EZH2: variants seen among roughly 807,000 people sequenced by gnomAD.
EZH2 encodes the protein histone-lysine N-methyltransferase EZH2.
Under a neutral mutation model 98.4 loss-of-function variants are expected in EZH2, and 18 were observed. That is an observed-to-expected ratio of 0.18 (90% CI 0.13 to 0.27). The LOEUF is 0.27. Ranked by LOEUF, EZH2 falls within the 10% of genes least tolerant of loss-of-function variation. EZH2 has a pLI of 1.00. For synonymous variants in EZH2, 338 were observed against 312.3 expected (o/e 1.08, Z -0.87); for missense variants, 470 against 935.1 (o/e 0.50, Z 6.49).
intron 3 of EZH2, among the ~76,000 whole-genome samples, chr7:148,842,844 T>C (rs530945095): frequency 3.9e-5 from 6 of 152,128 alleles, no homozygotes; most frequent in Middle Eastern, 3.4e-3. Context: ...GGCAGATGGA[T>C]TGCTTGAGCC....
chr7:148,828,172 T>C (rs1808271513), intron 6 of EZH2, among the ~76,000 whole-genome samples: 1 of 152,176 alleles, frequency 6.6e-6, no homozygotes, highest in South Asian at 2.1e-4. Context: ...ATTATGAGGA[T>C]TAAGTGAGCT....
intron 1 of EZH2, among the ~76,000 whole-genome samples, chr7:148,866,583 T>TATATATACGTATATACAG (rs1381406327): frequency 6.8e-6 from 1 of 146,734 alleles, no homozygotes; most frequent in Non-Finnish European, 1.5e-5. Context: ...CGTATATACA[T>TATATATACGTATATACAG]ATATTGTATA....
In EZH2 at chr7:148,822,185, G is replaced by A. The variant is rs1350453053; in HGVS notation, c.908-2498C>T. On this transcript the variant is annotated intron_variant, in intron 8 of 19. Transcript: ENST00000320356. ...CGCTTTATAATCTTGGAATGGGAAAGCTAACTGATAAATTCAACTACTTTT... is the reference window on the plus strand; with the variant it reads ...CGCTTTATAATCTTGGAATGGGAAAACTAACTGATAAATTCAACTACTTTT... Among the ~76,000 whole-genome samples the A allele has an allele frequency of 2.0e-5, 3 of 152,296 alleles. No homozygotes were observed. The East Asian group carries it at 5.8e-4, about 29-fold the overall frequency.
At chr7:148,822,027 ATG>A (rs1206142960) in intron 8 of EZH2, among the ~76,000 whole-genome samples, 2 of 152,242 alleles carry the variant, frequency 1.3e-5, no homozygotes, top group African/African-American at 2.4e-5. Context: ...TTTTCAGTAA[ATG>A]AAACAACTAG....
At chr7:148,856,773 C>A (rs950580157) in intron 1 of EZH2, among the ~76,000 whole-genome samples, 1 of 152,096 alleles carries the variant, frequency 6.6e-6, no homozygotes, top group East Asian at 1.9e-4. Context: ...AGTATTATAA[C>A]AGAATAAAAT....
At chr7:148,812,293 T>C (rs963433263) in intron 15 of EZH2, among the ~76,000 whole-genome samples, 3 of 152,228 alleles carry the variant, frequency 2.0e-5, no homozygotes, top group East Asian at 1.9e-4. Flanking sequence ...GGAGGTGTTA[T>C]CATGATCTTG....
chr7:148,813,680 G>GA (rs34352742), intron 15 of EZH2, among the ~76,000 whole-genome samples: 14 of 151,598 alleles, frequency 9.2e-5, no homozygotes, highest in Admixed American at 7.9e-4. Flanking sequence ...TAAACAGGTA[G>GA]AAAAAATACC....
At chr7:148,855,772 C>A (rs1816714600) in intron 1 of EZH2, among the ~76,000 whole-genome samples, 9 of 151,812 alleles carry the variant, frequency 5.9e-5, no homozygotes, top group Admixed American at 5.9e-4. Context: ...GTGATGCACG[C>A]CTGTAATCCC....
In EZH2 at chr7:148,807,642, G is replaced by A. The variant is rs749969922; in HGVS notation, c.*4C>T. Reference sequence around the variant, plus strand: ...TCAGAGGAGGGGGGAGGAGGTAGCAGATGTCAAGGGATTTCCATTTCTCTT... The same window carrying A: ...TCAGAGGAGGGGGGAGGAGGTAGCAAATGTCAAGGGATTTCCATTTCTCTT... On this transcript the variant is annotated 3_prime_UTR_variant, in exon 20 of 20. Transcript: ENST00000320356. 3.2e-5 allele frequency: 51 copies of A among 1,593,626 alleles called. No homozygotes were observed. Among genetic ancestry groups the A allele is most frequent in the Non-Finnish European group, 4.1e-5 (48 of 1,169,154 alleles).
intron 8 of EZH2, among the ~76,000 whole-genome samples, chr7:148,823,390 G>A (rs1337221665): frequency 1.3e-5 from 2 of 152,210 alleles, no homozygotes; most frequent in Admixed American, 6.5e-5. Flanking sequence ...CACAGGCTAT[G>A]CAGCTATACA....
At chr7:148,829,147 T>G (rs1808589211) in intron 5 of EZH2, among the ~76,000 whole-genome samples, 1 of 152,206 alleles carries the variant, frequency 6.6e-6, no homozygotes, top group South Asian at 2.1e-4. Context: ...AGGAACTGAT[T>G]GTGGCTTTGG....
chr7:148,832,100 T>C, intron 4 of EZH2, among the ~76,000 whole-genome samples: 1 of 152,180 alleles, frequency 6.6e-6, no homozygotes, highest in East Asian at 1.9e-4. Flanking sequence ...TCATTCCTTT[T>C]GTTTTTTTCA....
In EZH2 at chr7:148,818,657, AT is replaced by A. The variant is rs547412494; in HGVS notation, c.1000-541del. On this transcript the variant is annotated intron_variant, in intron 9 of 19. Transcript: ENST00000320356. ...CTGTCTTACTATTAAAACATCCAAC[AT>A]TTTTTTTTTTCCTGTGAAGGATACA... Among the ~76,000 whole-genome samples the A allele has an allele frequency of 5.6e-3, 834 of 148,082 alleles. 12 individuals are homozygous for A. Among genetic ancestry groups the A allele is most frequent in the African/African-American group, 0.019 (774 of 40,642 alleles).
chr7:148,879,704 T>A (rs1322359506), intron 1 of EZH2, among the ~76,000 whole-genome samples: 1 of 151,500 alleles, frequency 6.6e-6, no homozygotes, highest in Non-Finnish European at 1.5e-5. Context: ...AAATAAATAA[T>A]AAATAATAAA....
chr7:148,825,059 G>A (rs1406324573), intron 8 of EZH2, among the ~76,000 whole-genome samples: 1 of 152,098 alleles, frequency 6.6e-6, no homozygotes, highest in African/African-American at 2.4e-5. Flanking sequence ...CATTTTTACA[G>A]CAAAAAAACT....
At position 148,807,438 on chromosome 7, in the gene EZH2, G is replaced by A. The variant is rs1801765204; in HGVS notation, c.*208C>T. The stretch of plus-strand genomic sequence containing the variant: ...GAAAAATGTACCATACTGCATTATT[G>A]CAAAAATTCACTGGTACAAAACACT... On this transcript the variant is annotated 3_prime_UTR_variant, in exon 20 of 20. Coordinates refer to ENST00000320356, the MANE Select transcript of EZH2 (RefSeq NM_004456.5). 4 of 568,538 alleles carry A rather than the reference G, an allele frequency of 7.0e-6. No individual in the cohort carries two copies. The East Asian group carries it at 1.1e-4, about 16-fold the overall frequency. The allele number at this position is 568,538 out of a possible 1,614,324, so 35.2% of individuals were successfully genotyped here.
At chr7:148,817,727 A>G (rs1279404161) in intron 10 of EZH2, 150 bp downstream of exon 10, 7 of 1,156,852 alleles carry the variant, frequency 6.1e-6, no homozygotes, top group Middle Eastern at 4.0e-4. Flanking sequence ...CAGGAAACAG[A>G]AACAACACAG....
intron 3 of EZH2, among the ~76,000 whole-genome samples, chr7:148,839,503 G>A (rs1176476100): frequency 7.2e-6 from 1 of 139,536 alleles, no homozygotes; most frequent in Non-Finnish European, 1.5e-5. Context: ...GTATAACCAA[G>A]ATATATCAGA....
At chr7:148,843,658 C>T (rs1029178085) in intron 3 of EZH2, among the ~76,000 whole-genome samples, 5 of 126,774 alleles carry the variant, frequency 3.9e-5, no homozygotes, top group Non-Finnish European at 7.8e-5. Context: ...TGCAGTGGCG[C>T]GATCTCGGCT....
Sources: gnomAD v4.1 joint callset for allele counts (sites outside exome capture counted in the v4.1 genomes callset) on GRCh38, gnomAD v4.1.1 for gene constraint, MANE v1.5 for transcripts, NCBI Gene and HGNC (gene_info 2026-07-23, HGNC 2026-07-21) for gene names.